Variants in SPOCK3 observed in about 807,000 individuals in gnomAD.
The protein encoded by SPOCK3 is SPARC (osteonectin), cwcv and kazal like domains proteoglycan 3, also known as testican-3.
SPOCK3 carries 30 observed loss-of-function variants against 56.6 expected under a neutral mutation model. The observed-to-expected ratio is 0.53, with a 90% CI of 0.40 to 0.72. The LOEUF (loss-of-function observed/expected upper bound fraction) is 0.72. Ranked by LOEUF, SPOCK3 falls within the 30% of genes least tolerant of loss-of-function variation. The probability of loss-of-function intolerance (pLI) is 0.00; values close to 1 mark genes in which losing one functional copy is unlikely to be tolerated. For missense variants in SPOCK3, 527 were observed against 530.0 expected (o/e 0.99, Z 0.06); for synonymous variants, 196 against 183.3 (o/e 1.07, Z -0.56).
chr4:166,950,884 C>A, intron 4 of SPOCK3, among the ~76,000 whole-genome samples: 1 of 144,746 alleles, frequency 6.9e-6, no homozygotes, highest in South Asian at 2.2e-4. Flanking sequence ...TCTTTGAAAC[C>A]AACGAGAACA....
chr4:166,948,758 C>T (rs1742113367), intron 4 of SPOCK3, among the ~76,000 whole-genome samples: 1 of 152,126 alleles, frequency 6.6e-6, no homozygotes, highest in South Asian at 2.1e-4. Context: ...CGACCTTTCT[C>T]TCTGGCTGCC....
chr4:167,015,791 T>C (rs1227817382), intron 3 of SPOCK3, among the ~76,000 whole-genome samples: 1 of 152,174 alleles, frequency 6.6e-6, no homozygotes, highest in East Asian at 1.9e-4. Flanking sequence ...CTGACACTCA[T>C]AGCCCTTTCG....
chr4:167,215,141 A>G (rs1357095186), intron 2 of SPOCK3, among the ~76,000 whole-genome samples: 1 of 152,094 alleles, frequency 6.6e-6, no homozygotes, highest in African/African-American at 2.4e-5. Context: ...AACTACCAGG[A>G]TCAATAGAAA....
chr4:167,090,727 TCCTGG>T lies in SPOCK3; in HGVS notation c.190-28195_190-28191del, dbSNP rs1164423652. The stretch of plus-strand genomic sequence containing the variant: ...CATGTTGGTCAGGCTGGTGTCAAAC[TCCTGG>T]CCTCAGGTGATCCACCCACCTCGTC... On this transcript the variant is annotated intron_variant, in intron 2 of 10. Transcript: ENST00000357545. 6.6e-5 allele frequency among the ~76,000 whole-genome samples: 10 copies of T among 152,288 alleles called. 1 individual carries two copies. In the South Asian group the frequency reaches 2.1e-3, roughly 32 times the overall value.
At chr4:166,791,050 G>C (rs527666711) in intron 7 of SPOCK3, among the ~76,000 whole-genome samples, 1 of 152,064 alleles carries the variant, frequency 6.6e-6, no homozygotes, top group South Asian at 2.1e-4. Flanking sequence ...TAAGCCTGAG[G>C]AACTCTTCTA....
At chr4:166,887,053 T>C (rs1169494784) in intron 6 of SPOCK3, among the ~76,000 whole-genome samples, 2 of 152,192 alleles carry the variant, frequency 1.3e-5, no homozygotes, top group Admixed American at 6.5e-5. Context: ...CTTGATGATA[T>C]GACTTTTAAA....
chr4:166,743,392 C>T (rs1735126370), intron 8 of SPOCK3, among the ~76,000 whole-genome samples: 1 of 151,906 alleles, frequency 6.6e-6, no homozygotes, highest in South Asian at 2.1e-4. Flanking sequence ...GAGATAGGTG[C>T]TTAACATATA....
At chr4:167,098,623 C>G (rs1231633121) in intron 2 of SPOCK3, among the ~76,000 whole-genome samples, 1 of 152,024 alleles carries the variant, frequency 6.6e-6, no homozygotes, top group African/African-American at 2.4e-5. Context: ...CAAAGATTCT[C>G]ATCACCTACA....
intron 10 of SPOCK3, 147 bp downstream of exon 10, chr4:166,737,320 G>GT (rs566715928): frequency 2.1e-4 from 166 of 777,912 alleles, no homozygotes; most frequent in South Asian, 3.4e-4. Flanking sequence ...CTAGGAGTAA[G>GT]TTTTTTTTGT....
In SPOCK3 at chr4:166,967,141, T is replaced by C. The variant is rs1358483096; in HGVS notation, c.350+33208A>G. Among the ~76,000 whole-genome samples the C allele has an allele frequency of 2.0e-5, 3 of 152,162 alleles. No homozygotes were observed. The East Asian group carries it at 5.8e-4, about 29-fold the overall frequency. ...AGTTCCCTGATCTTTATCAACCTGA[T>C]CTGCAAATTTGGTCACCTCAGCAGC... On this transcript the variant is annotated intron_variant, in intron 4 of 10. Coordinates refer to ENST00000357545, the MANE Select transcript of SPOCK3 (RefSeq NM_001040159.2).
At chr4:167,189,237 TAGAC>T (rs1732268276) in intron 2 of SPOCK3, among the ~76,000 whole-genome samples, 1 of 145,946 alleles carries the variant, frequency 6.9e-6, no homozygotes. Flanking sequence ...AAAAGTACAC[TAGAC>T]AAAGTCAAAT....
intron 6 of SPOCK3, among the ~76,000 whole-genome samples, chr4:166,838,599 A>G (rs1485145721): frequency 6.7e-6 from 1 of 150,164 alleles, no homozygotes; most frequent in Admixed American, 6.7e-5. Flanking sequence ...TAGAAAAACT[A>G]TTTGTTTCAA....
intron 2 of SPOCK3, among the ~76,000 whole-genome samples, chr4:167,123,966 C>T (rs976186935): frequency 2.2e-4 from 33 of 151,886 alleles, no homozygotes; most frequent in Admixed American, 6.6e-5. Context: ...AGGCTGGTCT[C>T]GAACTCCTGA....
chr4:167,139,591 T>C (rs1485282176), intron 2 of SPOCK3, among the ~76,000 whole-genome samples: 1 of 152,070 alleles, frequency 6.6e-6, no homozygotes, highest in Non-Finnish European at 1.5e-5. Flanking sequence ...TATTTCTCTT[T>C]AAATGTAAAA....
At chr4:167,109,390 A>AT (rs1561225295) in intron 2 of SPOCK3, among the ~76,000 whole-genome samples, 1 of 23,814 alleles carries the variant, frequency 4.2e-5, no homozygotes, top group East Asian at 3.3e-3. Flanking sequence ...AAAATATATA[A>AT]ATATATATTT....
intron 8 of SPOCK3, among the ~76,000 whole-genome samples, chr4:166,746,516 C>T (rs1451827763): frequency 1.3e-5 from 2 of 152,012 alleles, no homozygotes; most frequent in East Asian, 1.9e-4. Flanking sequence ...GCACTAAATG[C>T]CCACAAGAGA....
chr4:167,157,980 A>AT (rs1764958924), intron 2 of SPOCK3, among the ~76,000 whole-genome samples: 2 of 151,896 alleles, frequency 1.3e-5, no homozygotes, highest in Non-Finnish European at 2.9e-5. Flanking sequence ...ATTATTTTCA[A>AT]TTTTTATTTT....
intron 4 of SPOCK3, among the ~76,000 whole-genome samples, chr4:166,934,900 A>G (rs1740218002): frequency 6.7e-6 from 1 of 150,166 alleles, no homozygotes; most frequent in African/African-American, 2.5e-5. Flanking sequence ...AAAAGCTGAA[A>G]TGTTAACATT....
At chr4:167,232,203 AG>A (rs1196455490) in intron 2 of SPOCK3, among the ~76,000 whole-genome samples, 1 of 152,168 alleles carries the variant, frequency 6.6e-6, no homozygotes, top group Non-Finnish European at 1.5e-5. Flanking sequence ...AATTTAATAA[AG>A]TAATTTGAAT....
Sources: allele counts gnomAD v4.1 joint callset (sites outside exome capture counted in the v4.1 genomes callset), GRCh38; gene constraint gnomAD v4.1.1; transcripts MANE v1.5; gene names NCBI Gene and HGNC (gene_info 2026-07-23, HGNC 2026-07-21).